The following EPB41L4B variants were observed in gnomAD, a reference collection of about 807,000 sequenced individuals.
EPB41L4B encodes band 4.1-like protein 4B.
EPB41L4B carries 30 observed loss-of-function variants against 112.5 expected under a neutral mutation model. The ratio of observed to expected loss-of-function variants is 0.27; its 90% confidence interval spans 0.20 to 0.36. EPB41L4B has a LOEUF of 0.36. Ranked by LOEUF, EPB41L4B falls within the 10% of genes least tolerant of loss-of-function variation. The pLI, the probability that EPB41L4B is intolerant of heterozygous loss-of-function variation, is 1.00. For missense variants in EPB41L4B, 1,024 were observed against 1,133.3 expected (o/e 0.90, Z 1.38); for synonymous variants, 408 against 439.7 (o/e 0.93, Z 0.90).
intron 18 of EPB41L4B, among the ~76,000 whole-genome samples, chr9:109,207,340 C>T (rs150508935): frequency 3.5e-4 from 54 of 152,166 alleles, no homozygotes; most frequent in African/African-American, 1.1e-3. Context: ...GAGGCTGAGG[C>T]GCGAGGATTG....
chr9:109,320,005 G>T (rs1837794715), intron 1 of EPB41L4B, 136 bp downstream of exon 1: 2 of 725,168 alleles, frequency 2.8e-6, no homozygotes, highest in Middle Eastern at 4.7e-4. Context: ...GGGTTGAGGA[G>T]TGCTCGGAGA....
At chr9:109,229,595 C>A (rs901950698) in intron 15 of EPB41L4B, among the ~76,000 whole-genome samples, 5 of 152,174 alleles carry the variant, frequency 3.3e-5, no homozygotes, top group African/African-American at 1.2e-4. Flanking sequence ...AGGTAGCACA[C>A]AAGTTCTCCA....
chr9:109,237,605 C>A (rs550663752), intron 15 of EPB41L4B, among the ~76,000 whole-genome samples: 1 of 152,170 alleles, frequency 6.6e-6, no homozygotes, highest in African/African-American at 2.4e-5. Flanking sequence ...CTGAATGATG[C>A]CTGTGGGGAC....
Position 109,173,776 on chromosome 9 carries a change from G to C in EPB41L4B, c.*778C>G, listed in dbSNP as rs1313028893. On this transcript the variant is annotated 3_prime_UTR_variant, in exon 26 of 26. Transcript: ENST00000374566. ...CATTTCTTGAAACTATATAAAAAGA[G>C]CAAAATTTCTTCTGGTCAAGATTCT... is the stretch of plus-strand genomic sequence containing the variant. 2 of 152,588 alleles carry C rather than the reference G, an allele frequency of 1.3e-5. No individual in the cohort carries two copies. The highest frequency in any genetic ancestry group is 2.9e-5 in the Non-Finnish European group (2 of 68,030). The allele number at this position is 152,588 out of a possible 1,614,324, so 9.5% of individuals were successfully genotyped here.
intron 15 of EPB41L4B, among the ~76,000 whole-genome samples, chr9:109,225,128 A>G (rs181486914): frequency 1.8e-4 from 27 of 152,346 alleles, no homozygotes; most frequent in Middle Eastern, 3.4e-3. Flanking sequence ...AGAGACTGTC[A>G]CATCACATGT....
At chr9:109,202,988 C>G (rs1832885454) in intron 19 of EPB41L4B, among the ~76,000 whole-genome samples, 1 of 152,066 alleles carries the variant, frequency 6.6e-6, no homozygotes, top group Admixed American at 6.6e-5. Flanking sequence ...AGCCCTGTCT[C>G]TACTACAATT....
At chr9:109,176,086 A>ACACACT (rs1831825848) in intron 25 of EPB41L4B, among the ~76,000 whole-genome samples, 1 of 145,412 alleles carries the variant, frequency 6.9e-6, no homozygotes, top group Non-Finnish European at 1.5e-5. Context: ...ACACACACAC[A>ACACACT]CACTCATTTG....
At chr9:109,319,619 T>C (rs1219111704) in intron 1 of EPB41L4B, among the ~76,000 whole-genome samples, 1 of 152,150 alleles carries the variant, frequency 6.6e-6, no homozygotes, top group Non-Finnish European at 1.5e-5. Context: ...CTCCCAAACT[T>C]GGGGCGCCTG....
chr9:109,295,374 G>A lies in EPB41L4B; in HGVS notation c.307-15453C>T, dbSNP rs1055046958. On this transcript the variant is annotated intron_variant, in intron 1 of 25. Coordinates refer to ENST00000374566, the MANE Select transcript of EPB41L4B (RefSeq NM_019114.5). Reference sequence around the variant, plus strand: ...GGATACAGGATTGATTTTTGACTTTGAACTAAAGCACCATAATCCACAACC... The same window carrying A: ...GGATACAGGATTGATTTTTGACTTTAAACTAAAGCACCATAATCCACAACC... Among the ~76,000 whole-genome samples, 42 of 152,076 alleles carry A rather than the reference G, an allele frequency of 2.8e-4. 1 individual carries two copies. Among genetic ancestry groups the A allele is most frequent in the Non-Finnish European group, 7.4e-5 (5 of 68,020 alleles).
At chr9:109,295,213 C>T (rs1836692187) in intron 1 of EPB41L4B, among the ~76,000 whole-genome samples, 1 of 152,158 alleles carries the variant, frequency 6.6e-6, no homozygotes, top group Non-Finnish European at 1.5e-5. Flanking sequence ...TTCACAGACA[C>T]CACGTCCTTT....
chr9:109,233,115 T>C (rs1426434252), intron 15 of EPB41L4B, among the ~76,000 whole-genome samples: 2 of 152,226 alleles, frequency 1.3e-5, no homozygotes, highest in Non-Finnish European at 2.9e-5. Context: ...TCTGTGGGTT[T>C]CTTATAACAT....
chr9:109,254,651 A>G (rs1399651445), intron 11 of EPB41L4B, among the ~76,000 whole-genome samples: 1 of 152,162 alleles, frequency 6.6e-6, no homozygotes, highest in Non-Finnish European at 1.5e-5. Flanking sequence ...ACATACACAC[A>G]CATGCATACC....
intron 13 of EPB41L4B, among the ~76,000 whole-genome samples, chr9:109,249,681 C>A (rs571748676): frequency 1.3e-5 from 2 of 151,890 alleles, no homozygotes; most frequent in African/African-American, 2.4e-5. Context: ...AGCAAGACAC[C>A]CCGACAAGCT....
Position 109,176,716 on chromosome 9 carries a change from G to C in EPB41L4B, c.2488-20C>G. The C allele has an allele frequency of 6.2e-7, 1 of 1,613,028 alleles. No homozygotes were observed. The highest frequency in any genetic ancestry group is 8.5e-7 in the Non-Finnish European group (1 of 1,179,702). Reference sequence around the variant, plus strand: ...GTCTGCCTGGAGAAGAAACAGGAAAGAGGAGATCAATCTCAATTTGGGTTC... The same window carrying C: ...GTCTGCCTGGAGAAGAAACAGGAAACAGGAGATCAATCTCAATTTGGGTTC... On this transcript the variant is annotated intron_variant, in intron 24 of 25. Coordinates refer to ENST00000374566, the MANE Select transcript of EPB41L4B (RefSeq NM_019114.5).
chr9:109,220,183 A>G (rs1370160168), intron 15 of EPB41L4B, among the ~76,000 whole-genome samples: 1 of 152,088 alleles, frequency 6.6e-6, no homozygotes, highest in Non-Finnish European at 1.5e-5. Flanking sequence ...TTATTTTGTC[A>G]TTTGTGTGTG....
chr9:109,271,831 G>A (rs1266611323), intron 2 of EPB41L4B, among the ~76,000 whole-genome samples: 1 of 152,210 alleles, frequency 6.6e-6, no homozygotes, highest in Non-Finnish European at 1.5e-5. Context: ...TCTAACGGGT[G>A]TTAGAAAGGT....
chr9:109,242,864 A>C lies in EPB41L4B; in HGVS notation c.1409+754T>G, dbSNP rs1182775355. 5.9e-5 allele frequency among the ~76,000 whole-genome samples: 9 copies of C among 151,648 alleles called. No individual in the cohort carries two copies. The East Asian group carries it at 9.7e-4, about 16-fold the overall frequency. ...GCTAGCCTTAAAAAAAAAAAAAAAA[A>C]AACAAAAAACCTGTCAAGCCTAACT... On this transcript the variant is annotated intron_variant, in intron 15 of 25. Transcript: ENST00000374566.
Position 109,320,513 on chromosome 9 carries a change from C to T in EPB41L4B, c.-67G>A, listed in dbSNP as rs1012510280. 48 of 906,108 alleles carry T rather than the reference C, an allele frequency of 5.3e-5. No homozygotes were observed. The highest frequency in any genetic ancestry group is 5.8e-5 in the Non-Finnish European group (44 of 759,978). 56.1% of individuals were successfully genotyped at this position (906,108 alleles called of 1,614,324 possible). A position where few individuals can be genotyped will look rare whatever the true frequency, so the allele number is the denominator to read the frequency against. On this transcript the variant is annotated 5_prime_UTR_variant, in exon 1 of 26. Transcript: ENST00000374566. ...GCTGCCGCTGCCGCTGCCGCTGCGC[C>T]GCCGCCCGGGAGCGTCCCGCGACGC...
rs866036890 is a variant in EPB41L4B at position 109,307,050 on chromosome 9, G to A, written c.306+13091C>T. 30 of 130,088 alleles carry A rather than the reference G, an allele frequency of 2.3e-4. 1 individual carries two copies. The highest frequency in any genetic ancestry group is 2.3e-4 in the South Asian group (1 of 4,256). The allele number at this position is 130,088 out of a possible 1,614,324, so 8.1% of individuals were successfully genotyped here. On this transcript the variant is annotated intron_variant, in intron 1 of 25. Coordinates refer to ENST00000374566, the MANE Select transcript of EPB41L4B (RefSeq NM_019114.5). The stretch of plus-strand genomic sequence containing the variant: ...TTTTTTTTTTCTTCAAGAAATAAAT[G>A]AAATAGCTGAAATAAAACAGTTCTT...
Sources: gnomAD v4.1 joint callset for allele counts (sites outside exome capture counted in the v4.1 genomes callset) on GRCh38, gnomAD v4.1.1 for gene constraint, MANE v1.5 for transcripts, NCBI Gene and HGNC (gene_info 2026-07-23, HGNC 2026-07-21) for gene names.